FILIP1L: variants seen among roughly 807,000 people sequenced by gnomAD.
FILIP1L encodes the protein filamin A-interacting protein 1-like.
Under a neutral mutation model 96.6 loss-of-function variants are expected in FILIP1L, and 55 were observed. The observed-to-expected ratio is 0.57, with a 90% CI of 0.46 to 0.71. The LOEUF is 0.71. FILIP1L is among the 30% of genes least tolerant of loss of function. FILIP1L has a pLI of 0.00. For synonymous variants in FILIP1L, 467 were observed against 473.9 expected, an observed-to-expected ratio of 0.99 and a Z score of 0.19; for missense variants, 1,304 against 1,321.2, an observed-to-expected ratio of 0.99 and a Z score of 0.20.
intron 1 of FILIP1L, among the ~76,000 whole-genome samples, chr3:100,056,598 T>C (rs1011287088): frequency 6.6e-6 from 1 of 152,014 alleles, no homozygotes; most frequent in African/African-American, 2.4e-5. Context: ...AAGTTTGTCA[T>C]AATCTAATTA....
intron 1 of FILIP1L, among the ~76,000 whole-genome samples, chr3:100,019,756 T>A (rs1355774908): frequency 6.6e-6 from 1 of 152,228 alleles, no homozygotes; most frequent in East Asian, 1.9e-4. Flanking sequence ...AGAACTATCA[T>A]CTTTCAAACT....
chr3:99,879,683 C>A (rs1410817245), intron 4 of FILIP1L, among the ~76,000 whole-genome samples: 1 of 152,150 alleles, frequency 6.6e-6, no homozygotes, highest in Non-Finnish European at 1.5e-5. Context: ...CGCTCTGCTC[C>A]CTAGGAGCTC....
rs185598890 is a variant in FILIP1L at position 99,880,315 on chromosome 3, C to T, written c.606-29245G>A. ...ACCCACATGAAATATACCATATCTC[C>T]GCACTTAAACTGTACTTAAAAGAGC... On this transcript the variant is annotated intron_variant, in intron 4 of 5. Transcript: ENST00000477258. Among the ~76,000 whole-genome samples the T allele has an allele frequency of 1.4e-4, 22 of 152,204 alleles. No individual in the cohort carries two copies. In the East Asian group the frequency reaches 1.9e-3, roughly 13 times the overall value.
Position 99,890,304 on chromosome 3 carries a change from C to A in FILIP1L, c.605+33926G>T, listed in dbSNP as rs1706042344. 2.0e-5 allele frequency among the ~76,000 whole-genome samples: 3 copies of A among 152,024 alleles called. No individual in the cohort carries two copies. In the South Asian group the frequency reaches 6.2e-4, roughly 31 times the overall value. On this transcript the variant is annotated intron_variant, in intron 4 of 5. Coordinates refer to ENST00000477258, the MANE Select transcript of FILIP1L (RefSeq NM_001387850.1). ...TCTTCCCTTTGTCTTTGATATTATA[C>A]TATTTCATTTGTATGTACTTAAATG...
chr3:99,971,066 G>A (rs910964313), intron 1 of FILIP1L, among the ~76,000 whole-genome samples: 5 of 152,174 alleles, frequency 3.3e-5, no homozygotes, highest in Admixed American at 6.5e-5. Context: ...GGCTGGGCGT[G>A]GTGGCTCACG....
At chr3:100,056,715 T>C (rs532819026) in intron 1 of FILIP1L, among the ~76,000 whole-genome samples, 4 of 135,436 alleles carry the variant, frequency 3.0e-5, no homozygotes, top group Non-Finnish European at 4.9e-5. Flanking sequence ...AAAAAAAAAA[T>C]GGGGCCGGGC....
chr3:99,946,587 G>A (rs943661203), intron 1 of FILIP1L, among the ~76,000 whole-genome samples: 7 of 152,116 alleles, frequency 4.6e-5, no homozygotes, highest in African/African-American at 1.4e-4. Flanking sequence ...TCTGAAAAAA[G>A]CAAATGATGC....
At position 100,036,576 on chromosome 3, in the gene FILIP1L, A is replaced by G. The variant is rs150184980; in HGVS notation, c.-11+77477T>C. On this transcript the variant is annotated intron_variant, in intron 1 of 5. Transcript: ENST00000477258. Reference sequence around the variant, plus strand: ...AGTTATTCTTTACAGTAGAATGCCTACTAATAAATGTAGAAGAAATATAGA... The same window carrying G: ...AGTTATTCTTTACAGTAGAATGCCTGCTAATAAATGTAGAAGAAATATAGA... Among the ~76,000 whole-genome samples the G allele has an allele frequency of 9.8e-5, 15 of 152,374 alleles. No individual in the cohort carries two copies. The East Asian group carries it at 1.7e-3, about 18-fold the overall frequency.
intron 1 of FILIP1L, among the ~76,000 whole-genome samples, chr3:100,003,383 G>A (rs1284463729): frequency 2.6e-5 from 4 of 152,198 alleles, no homozygotes; most frequent in Non-Finnish European, 5.9e-5. Flanking sequence ...TTACGTGGTT[G>A]TTTTGTCTTC....
At chr3:99,988,379 G>A (rs1264056653) in intron 1 of FILIP1L, among the ~76,000 whole-genome samples, 10 of 150,256 alleles carry the variant, frequency 6.7e-5, no homozygotes, top group South Asian at 2.1e-4. Context: ...CAGGCATGGT[G>A]GCATGTGCCT....
chr3:99,869,006 T>C (rs1018505647), intron 4 of FILIP1L, among the ~76,000 whole-genome samples: 2 of 152,196 alleles, frequency 1.3e-5, no homozygotes, highest in African/African-American at 2.4e-5. Context: ...CTGTGCATAC[T>C]TGACCAAATG....
intron 1 of FILIP1L, among the ~76,000 whole-genome samples, chr3:99,979,262 A>G (rs1344536448): frequency 6.6e-6 from 1 of 152,154 alleles, no homozygotes; most frequent in Admixed American, 6.5e-5. Flanking sequence ...TATTTTTTTG[A>G]ATGAGACTCT....
At chr3:99,877,476 T>C (rs1705573727) in intron 4 of FILIP1L, among the ~76,000 whole-genome samples, 1 of 152,166 alleles carries the variant, frequency 6.6e-6, no homozygotes. Flanking sequence ...GGAGTTCACT[T>C]TATCATTATT....
chr3:100,002,258 CTCTTTTAAGTTATGAA>C (rs1207561096), intron 1 of FILIP1L, among the ~76,000 whole-genome samples: 1 of 152,192 alleles, frequency 6.6e-6, no homozygotes, highest in African/African-American at 2.4e-5. Flanking sequence ...GTTAGAGCAT[CTCTTTTAAGTTATGAA>C]TTATTATGAA....
At chr3:100,054,254 C>G (rs912574454) in intron 1 of FILIP1L, among the ~76,000 whole-genome samples, 1 of 152,072 alleles carries the variant, frequency 6.6e-6, no homozygotes, top group Admixed American at 6.5e-5. Flanking sequence ...GATATGTTCT[C>G]TTTGACTTGC....
chr3:99,977,133 A>T (rs1708995889), intron 1 of FILIP1L, among the ~76,000 whole-genome samples: 1 of 152,188 alleles, frequency 6.6e-6, no homozygotes, highest in South Asian at 2.1e-4. Context: ...ATTGTCATGG[A>T]GGGATGAAGC....
intron 5 of FILIP1L, among the ~76,000 whole-genome samples, chr3:99,842,128 A>T (rs1209565997): frequency 6.6e-6 from 1 of 152,220 alleles, no homozygotes; most frequent in African/African-American, 2.4e-5. Flanking sequence ...TGTGGTATAT[A>T]TACACCATGG....
chr3:99,960,349 C>G (rs1170385915), intron 1 of FILIP1L, among the ~76,000 whole-genome samples: 4 of 152,084 alleles, frequency 2.6e-5, no homozygotes, highest in African/African-American at 7.2e-5. Flanking sequence ...AGTTAAGTGG[C>G]AGAACCTGGA....
At chr3:100,053,485 C>T (rs574129282) in intron 1 of FILIP1L, among the ~76,000 whole-genome samples, 1 of 152,360 alleles carries the variant, frequency 6.6e-6, no homozygotes, top group Non-Finnish European at 1.5e-5. Flanking sequence ...ATCCAAATTT[C>T]TGTCTTCTCA....
Sources: gnomAD v4.1 joint callset for allele counts (sites outside exome capture counted in the v4.1 genomes callset) on GRCh38, gnomAD v4.1.1 for gene constraint, MANE v1.5 for transcripts, NCBI Gene and HGNC (gene_info 2026-07-23, HGNC 2026-07-21) for gene names.